IFNLR1: variants seen among roughly 807,000 people sequenced by gnomAD.
IFNLR1 encodes the protein interferon lambda receptor 1, also known as CRF2-12.
In IFNLR1, 28 loss-of-function variants were observed where a neutral mutation model predicts 52.5. The observed-to-expected ratio is 0.53, with a 90% CI of 0.40 to 0.73. The LOEUF (loss-of-function observed/expected upper bound fraction) is 0.73, where lower values mean the gene tolerates loss of function less well. Among genes scored for constraint, IFNLR1 ranks in the 30% least tolerant of loss-of-function variants. IFNLR1 has a pLI of 0.00. For missense variants in IFNLR1, 623 were observed against 659.1 expected (o/e 0.95, Z 0.60); for synonymous variants, 276 against 274.9 (o/e 1.00, Z -0.04).
chr1:24,169,615 G>A lies in IFNLR1; in HGVS notation c.183-14C>T, dbSNP rs779700114. The A allele has an allele frequency of 1.9e-6, 3 of 1,609,568 alleles. No homozygotes were observed. The South Asian group carries it at 3.3e-5, about 18-fold the overall frequency. Reference sequence around the variant, plus strand: ...CGGGTGGGAGAGCTGGGGGAGGAGAGAGGAGAGCTTGGGCCATGGACTCAG... The same window carrying A: ...CGGGTGGGAGAGCTGGGGGAGGAGAAAGGAGAGCTTGGGCCATGGACTCAG... On this transcript the variant is annotated splice_polypyrimidine_tract_variant and intron_variant, in intron 2 of 6. Transcript: ENST00000327535.
intron 3 of IFNLR1, among the ~76,000 whole-genome samples, chr1:24,165,082 GT>G (rs933484189): frequency 2.2e-4 from 34 of 152,056 alleles, no homozygotes; most frequent in African/African-American, 8.0e-4. Context: ...TAATTTTATT[GT>G]TTTTTGCATA....
chr1:24,179,468 C>T (rs1015261395), intron 2 of IFNLR1, among the ~76,000 whole-genome samples: 2 of 152,152 alleles, frequency 1.3e-5, no homozygotes, highest in Non-Finnish European at 2.9e-5. Flanking sequence ...TTTCTGGCAC[C>T]TGATAACGCT....
intron 2 of IFNLR1, among the ~76,000 whole-genome samples, chr1:24,177,968 A>G (rs1046732984): frequency 2.6e-5 from 4 of 152,162 alleles, no homozygotes; most frequent in Non-Finnish European, 4.4e-5. Flanking sequence ...CGTATAACTC[A>G]TTAGGCATTT....
chr1:24,168,304 T>TGTC (rs1415498266), intron 3 of IFNLR1, among the ~76,000 whole-genome samples: 1 of 152,166 alleles, frequency 6.6e-6, no homozygotes, highest in Non-Finnish European at 1.5e-5. Flanking sequence ...GCAATCAGTC[T>TGTC]GTCCCTCTTC....
chr1:24,158,901 A>T, intron 6 of IFNLR1, 151 bp downstream of exon 6: 1 of 835,816 alleles, frequency 1.2e-6, no homozygotes, highest in Non-Finnish European at 1.9e-6. Flanking sequence ...TGAATGCATT[A>T]CTAATGGTGG....
At chr1:24,180,296 CAAA>C (rs5773074) in intron 2 of IFNLR1, among the ~76,000 whole-genome samples, 10 of 128,180 alleles carry the variant, frequency 7.8e-5, no homozygotes, top group Admixed American at 7.8e-5. Context: ...GACTCTGTCT[CAAA>C]AAAAAAAAAA....
chr1:24,163,460 C>T (rs532136878), intron 3 of IFNLR1, among the ~76,000 whole-genome samples: 10 of 152,174 alleles, frequency 6.6e-5, no homozygotes, highest in East Asian at 3.9e-4. Context: ...CCTACTGCCA[C>T]GCAATACTGA....
intron 2 of IFNLR1, among the ~76,000 whole-genome samples, chr1:24,169,979 C>T (rs1471940358): frequency 6.6e-6 from 1 of 152,228 alleles, no homozygotes; most frequent in East Asian, 1.9e-4. Context: ...CCACCTGCTG[C>T]ATGCCAAGGA....
intron 1 of IFNLR1, among the ~76,000 whole-genome samples, chr1:24,182,028 C>T (rs903663983): frequency 3.9e-5 from 6 of 151,964 alleles, no homozygotes; most frequent in Non-Finnish European, 8.8e-5. Context: ...GGTGAAACCT[C>T]GTCTCTACTA....
chr1:24,177,612 C>A (rs1387426538), intron 2 of IFNLR1, among the ~76,000 whole-genome samples: 3 of 152,200 alleles, frequency 2.0e-5, no homozygotes, highest in Non-Finnish European at 4.4e-5. Context: ...GAGGACGAGT[C>A]TTCCATTCCC....
intron 3 of IFNLR1, among the ~76,000 whole-genome samples, chr1:24,167,172 G>A (rs1458685495): frequency 6.6e-6 from 1 of 152,102 alleles, no homozygotes; most frequent in Non-Finnish European, 1.5e-5. Flanking sequence ...TCCGGCATTT[G>A]GACTCTGGGA....
At position 24,162,792 on chromosome 1, in the gene IFNLR1, CT is replaced by C. The variant is rs1557644005; in HGVS notation, c.368-1109del. Among the ~76,000 whole-genome samples the C allele has an allele frequency of 2.7e-3, 169 of 63,396 alleles. 11 individuals carry two copies. Among genetic ancestry groups the C allele is most frequent in the Non-Finnish European group, 4.0e-3 (125 of 31,002 alleles). The allele number at this position is 63,396 out of a possible 152,430, so 41.6% of individuals were successfully genotyped here. A position where few individuals can be genotyped will look rare whatever the true frequency, so the allele number is the denominator to read the frequency against. ...TCTTTCTTTCTTTTTCTTTCTTTTT[CT>C]TTCTTTCTTTTTTCTTTCTTTTTTT... On this transcript the variant is annotated intron_variant, in intron 3 of 6. Coordinates refer to ENST00000327535, the MANE Select transcript of IFNLR1 (RefSeq NM_170743.4).
At chr1:24,180,041 A>G (rs1042188428) in intron 2 of IFNLR1, among the ~76,000 whole-genome samples, 6 of 152,218 alleles carry the variant, frequency 3.9e-5, no homozygotes, top group African/African-American at 1.4e-4. Flanking sequence ...TTACGCCTGT[A>G]ATCCCAACAC....
At chr1:24,166,539 G>GCCTTCTC (rs1644521933) in intron 3 of IFNLR1, among the ~76,000 whole-genome samples, 3 of 151,992 alleles carry the variant, frequency 2.0e-5, no homozygotes, top group African/African-American at 7.2e-5. Flanking sequence ...TCTGCCTTCT[G>GCCTTCTC]TGATGGTTAA....
chr1:24,158,984 T>C (rs1388692889), intron 6 of IFNLR1, 68 bp downstream of exon 6: 1 of 1,500,156 alleles, frequency 6.7e-7, no homozygotes, highest in Non-Finnish European at 9.1e-7. Context: ...GAACAACTCA[T>C]AGCTCCAGCC....
Position 24,169,564 on chromosome 1 carries a change from ACT to A in IFNLR1, c.218_219del (p.Glu73ValfsTer49), listed in dbSNP as rs1472538939. 6.2e-7 allele frequency: 1 copy of A among 1,613,676 alleles called. No individual in the cohort carries two copies. The highest frequency in any genetic ancestry group is 1.7e-5 in the Admixed American group (1 of 59,968). On this transcript the variant is annotated frameshift_variant, in exon 3 of 7. Transcript: ENST00000327535. LOFTEE classifies it high-confidence loss of function. ...PTRRRWREVEECAGTKELLCS... is the reference protein window; with the variant it reads ...PTRRRWREVEXCAGTKELLCS... ...CATAGCAGCTCCTTGGTTCCCGCAC[ACT>A]CTTCCACTTCGCGCCACCGTCTACG...
intron 2 of IFNLR1, among the ~76,000 whole-genome samples, chr1:24,178,304 T>G (rs1461048422): frequency 6.6e-6 from 1 of 151,880 alleles, no homozygotes. Context: ...AGTATGTACA[T>G]GTGTGTGTCT....
intron 2 of IFNLR1, among the ~76,000 whole-genome samples, chr1:24,173,082 C>T (rs961205567): frequency 6.8e-6 from 1 of 147,402 alleles, no homozygotes; most frequent in Non-Finnish European, 1.5e-5. Flanking sequence ...CAGTCTATAA[C>T]ACCTGATATA....
At chr1:24,170,976 A>G (rs1644573003) in intron 2 of IFNLR1, among the ~76,000 whole-genome samples, 1 of 152,206 alleles carries the variant, frequency 6.6e-6, no homozygotes. Context: ...TACTATGCAA[A>G]TATTCACACC....
Sources: gnomAD v4.1 joint callset for allele counts (sites outside exome capture counted in the v4.1 genomes callset) on GRCh38, gnomAD v4.1.1 for gene constraint, MANE v1.5 for transcripts, NCBI Gene and HGNC (gene_info 2026-07-23, HGNC 2026-07-21) for gene names.